The following SEPTIN14 variants were observed in gnomAD, a reference collection of about 807,000 sequenced individuals.
SEPTIN14 encodes septin-14.
A neutral mutation model predicts 53.6 loss-of-function variants in SEPTIN14; 40 were observed. That is an observed-to-expected ratio of 0.75 (90% CI 0.58 to 0.97). The LOEUF is 0.97. Ranked by LOEUF, SEPTIN14 falls within the 50% of genes least tolerant of loss-of-function variation. SEPTIN14 has a pLI of 0.00. For synonymous variants in SEPTIN14, 138 were observed against 166.8 expected, an observed-to-expected ratio of 0.83 and a Z score of 1.33; for missense variants, 471 against 508.2, an observed-to-expected ratio of 0.93 and a Z score of 0.70.
chr7:55,816,466 A>G (rs1268543396), intron 7 of SEPTIN14, among the ~76,000 whole-genome samples: 2 of 152,100 alleles, frequency 1.3e-5, no homozygotes, highest in Non-Finnish European at 2.9e-5. Flanking sequence ...TGCCCTATAA[A>G]TATACACACC....
chr7:55,827,282 C>T (rs907892830), intron 6 of SEPTIN14, among the ~76,000 whole-genome samples: 44 of 152,202 alleles, frequency 2.9e-4, no homozygotes, highest in African/African-American at 9.9e-4. Context: ...GAGCAGCGTT[C>T]CTGCATGAGA....
Position 55,804,554 on chromosome 7 carries a change from C to T in SEPTIN14, c.1119+704G>A, listed in dbSNP as rs117917936. ...GATTATAGGTGTGAGCCACCGCACC[C>T]GGCTGGAATTTTTATTACTTATAAT... On this transcript the variant is annotated intron_variant, in intron 9 of 9. Transcript: ENST00000388975. 1.8e-4 allele frequency among the ~76,000 whole-genome samples: 28 copies of T among 152,166 alleles called. No individual in the cohort carries two copies. The East Asian group carries it at 4.4e-3, about 24-fold the overall frequency.
intron 9 of SEPTIN14, chr7:55,798,744 G>T: frequency 4.8e-6 from 1 of 210,024 alleles, no homozygotes. Context: ...TACACTCTGG[G>T]GCCCAATGAG....
At chr7:55,844,441 T>TA in intron 4 of SEPTIN14, 82 bp downstream of exon 4, 1 of 638,622 alleles carries the variant, frequency 1.6e-6, no homozygotes, top group Non-Finnish European at 2.6e-6. Flanking sequence ...AGGTATTACT[T>TA]ACACAAATTA....
chr7:55,833,848 T>C (rs2116030335), intron 6 of SEPTIN14, among the ~76,000 whole-genome samples: 1 of 151,834 alleles, frequency 6.6e-6, no homozygotes, highest in Middle Eastern at 3.4e-3. Flanking sequence ...AGAGAAGACA[T>C]TACAACTTAT....
At chr7:55,797,411 A>C (rs1048462562) in intron 9 of SEPTIN14, among the ~76,000 whole-genome samples, 1 of 152,230 alleles carries the variant, frequency 6.6e-6, no homozygotes, top group African/African-American at 2.4e-5. Flanking sequence ...GAGGCAAGAG[A>C]AAAGTGGCAT....
At chr7:55,846,486 G>C in intron 3 of SEPTIN14, 31 bp downstream of exon 3, 1 of 1,510,800 alleles carries the variant, frequency 6.6e-7, no homozygotes, top group South Asian at 1.2e-5. Context: ...AAAAATGAAG[G>C]AATAATTCAA....
chr7:55,850,373 T>C (rs189859925), intron 2 of SEPTIN14, among the ~76,000 whole-genome samples: 1 of 151,844 alleles, frequency 6.6e-6, no homozygotes, highest in Non-Finnish European at 1.5e-5. Flanking sequence ...GGGAGGCTAA[T>C]GCAGGAGAAT....
chr7:55,826,726 G>A (rs927250161), intron 6 of SEPTIN14, among the ~76,000 whole-genome samples: 1 of 151,842 alleles, frequency 6.6e-6, no homozygotes, highest in African/African-American at 2.4e-5. Context: ...GAACCCAGGA[G>A]GTAGAGGTTG....
chr7:55,840,575 G>C (rs191254064), intron 5 of SEPTIN14, among the ~76,000 whole-genome samples: 25 of 152,200 alleles, frequency 1.6e-4, no homozygotes, highest in African/African-American at 5.5e-4. Context: ...TCATCTGCCA[G>C]ACAAGGACAG....
At chr7:55,802,700 G>C (rs1788542515) in intron 9 of SEPTIN14, among the ~76,000 whole-genome samples, 1 of 151,434 alleles carries the variant, frequency 6.6e-6, no homozygotes, top group African/African-American at 2.4e-5. Flanking sequence ...TGATTTTTTT[G>C]GATACAAACT....
At chr7:55,857,495 A>AAGGGG (rs1789657604) in intron 2 of SEPTIN14, among the ~76,000 whole-genome samples, 1 of 81,072 alleles carries the variant, frequency 1.2e-5, no homozygotes, top group Admixed American at 1.2e-4. Context: ...GAGGGGAGGG[A>AAGGGG]AGGGAAGGGA....
At chr7:55,804,684 T>C (rs1345717166) in intron 9 of SEPTIN14, among the ~76,000 whole-genome samples, 2 of 152,220 alleles carry the variant, frequency 1.3e-5, no homozygotes, top group African/African-American at 4.8e-5. Context: ...TTAAACTAAA[T>C]GTTCTTAAAC....
At chr7:55,820,042 C>T (rs1313224197) in intron 6 of SEPTIN14, among the ~76,000 whole-genome samples, 1 of 152,144 alleles carries the variant, frequency 6.6e-6, no homozygotes, top group Non-Finnish European at 1.5e-5. Context: ...CTCTGTCACC[C>T]AGGCTGTAGT....
At chr7:55,834,991 T>C (rs1281754331) in intron 5 of SEPTIN14, among the ~76,000 whole-genome samples, 1 of 152,096 alleles carries the variant, frequency 6.6e-6, no homozygotes, top group Non-Finnish European at 1.5e-5. Flanking sequence ...TGACAACAAA[T>C]TGCATAACTA....
chr7:55,804,541 G>A (rs1267546625), intron 9 of SEPTIN14, among the ~76,000 whole-genome samples: 1 of 152,102 alleles, frequency 6.6e-6, no homozygotes, highest in Non-Finnish European at 1.5e-5. Flanking sequence ...TTATAGGTGT[G>A]AGCCACCGCA....
chr7:55,824,716 G>C (rs1185322866), intron 6 of SEPTIN14, among the ~76,000 whole-genome samples: 2 of 152,074 alleles, frequency 1.3e-5, no homozygotes, highest in African/African-American at 4.8e-5. Context: ...TTGAACCCAG[G>C]AGGTGGAGGT....
intron 5 of SEPTIN14, among the ~76,000 whole-genome samples, chr7:55,836,089 G>A (rs573654748): frequency 8.5e-5 from 13 of 152,100 alleles, no homozygotes; most frequent in African/African-American, 1.9e-4. Context: ...GTGTGTGTGC[G>A]CGTGTGTGTG....
intron 6 of SEPTIN14, among the ~76,000 whole-genome samples, chr7:55,821,704 A>T (rs1788898970): frequency 6.6e-6 from 1 of 152,218 alleles, no homozygotes. Context: ...TCTCTCAGCT[A>T]CTGTGGATAA....
Sources: gnomAD v4.1 joint callset for allele counts (sites outside exome capture counted in the v4.1 genomes callset) on GRCh38, gnomAD v4.1.1 for gene constraint, MANE v1.5 for transcripts, NCBI Gene and HGNC (gene_info 2026-07-23, HGNC 2026-07-21) for gene names.